The following NKAIN2 variants were observed in gnomAD, a reference collection of about 807,000 sequenced individuals.
NKAIN2 encodes the protein sodium/potassium-transporting ATPase subunit beta-1-interacting protein 2.
Under a neutral mutation model 32.6 loss-of-function variants are expected in NKAIN2, and 14 were observed. The observed-to-expected ratio is 0.43, with a 90% CI of 0.28 to 0.67. The LOEUF (loss-of-function observed/expected upper bound fraction) is 0.67, where lower values mean the gene tolerates loss of function less well. NKAIN2 is among the 30% of genes least tolerant of loss of function. The probability of loss-of-function intolerance (pLI) is 0.17; values close to 1 mark genes in which losing one functional copy is unlikely to be tolerated. For missense variants in NKAIN2, 198 were observed against 258.3 expected, an observed-to-expected ratio of 0.77 and a Z score of 1.60; for synonymous variants, 80 against 87.2, an observed-to-expected ratio of 0.92 and a Z score of 0.46.
chr6:124,682,730 G>C (rs769808149), intron 4 of NKAIN2, among the ~76,000 whole-genome samples: 1 of 152,002 alleles, frequency 6.6e-6, no homozygotes, highest in Non-Finnish European at 1.5e-5. Flanking sequence ...CCAATATTAA[G>C]ATTGATATAT....
At chr6:124,409,968 A>G (rs1381054316) in intron 3 of NKAIN2, among the ~76,000 whole-genome samples, 1 of 152,112 alleles carries the variant, frequency 6.6e-6, no homozygotes, top group Non-Finnish European at 1.5e-5. Context: ...TAGATTTTCT[A>G]GTTTATTTGC....
At chr6:123,985,102 T>TA (rs1222422434) in intron 1 of NKAIN2, among the ~76,000 whole-genome samples, 2 of 151,902 alleles carry the variant, frequency 1.3e-5, no homozygotes, top group Non-Finnish European at 2.9e-5. Context: ...ATTCTACTGG[T>TA]AAAAAATTGT....
chr6:124,773,733 T>C (rs1778861759), intron 4 of NKAIN2, among the ~76,000 whole-genome samples: 1 of 152,174 alleles, frequency 6.6e-6, no homozygotes, highest in South Asian at 2.1e-4. Flanking sequence ...TTTTCATGTA[T>C]CCGATTAAAT....
intron 5 of NKAIN2, among the ~76,000 whole-genome samples, chr6:124,793,384 G>A (rs796216976): frequency 9.5e-4 from 144 of 152,084 alleles, no homozygotes; most frequent in African/African-American, 3.4e-3. Context: ...AAATATATAC[G>A]GATTTTAAAA....
At position 124,741,237 on chromosome 6, in the gene NKAIN2, T is replaced by G. The variant is rs188739093; in HGVS notation, c.475-50102T>G. On this transcript the variant is annotated intron_variant, in intron 4 of 6. Transcript: ENST00000368417. ...CAAGCAGAAATGCCAATTAGGCAAG[T>G]GGATATATTGATCTGAGTTCAGGGG... Among the ~76,000 whole-genome samples the G allele has an allele frequency of 2.1e-3, 321 of 151,704 alleles. 2 individuals are homozygous for G. The highest frequency in any genetic ancestry group is 7.2e-3 in the African/African-American group (298 of 41,420).
At chr6:124,553,356 G>C (rs1193380629) in intron 3 of NKAIN2, among the ~76,000 whole-genome samples, 1 of 152,142 alleles carries the variant, frequency 6.6e-6, no homozygotes, top group African/African-American at 2.4e-5. Context: ...TGCTCAGGCT[G>C]GAGTGCAATG....
intron 3 of NKAIN2, among the ~76,000 whole-genome samples, chr6:124,567,202 T>C (rs1780948415): frequency 6.6e-6 from 1 of 152,164 alleles, no homozygotes; most frequent in Admixed American, 6.5e-5. Flanking sequence ...AAACCAATAA[T>C]GTGCTTTCAC....
intron 2 of NKAIN2, among the ~76,000 whole-genome samples, chr6:124,338,566 C>A (rs985805993): frequency 6.6e-6 from 1 of 152,012 alleles, no homozygotes; most frequent in Admixed American, 6.6e-5. Context: ...CTCATTTTGA[C>A]AATTTTTTCA....
intron 1 of NKAIN2, among the ~76,000 whole-genome samples, chr6:123,861,419 A>G (rs1212030186): frequency 6.6e-6 from 1 of 152,224 alleles, no homozygotes; most frequent in Non-Finnish European, 1.5e-5. Context: ...TGTTCAGGTA[A>G]AAATTTATGA....
intron 3 of NKAIN2, among the ~76,000 whole-genome samples, chr6:124,509,584 C>G (rs1485821920): frequency 6.6e-6 from 1 of 152,212 alleles, no homozygotes; most frequent in Non-Finnish European, 1.5e-5. Context: ...CATGACTTGT[C>G]TGACCATCTG....
intron 2 of NKAIN2, among the ~76,000 whole-genome samples, chr6:124,346,265 A>G (rs904047412): frequency 2.6e-5 from 4 of 152,086 alleles, no homozygotes; most frequent in Admixed American, 1.3e-4. Context: ...TATGTGGTCA[A>G]TTTTGGAATA....
intron 1 of NKAIN2, among the ~76,000 whole-genome samples, chr6:124,247,175 G>T (rs1483618581): frequency 6.6e-6 from 1 of 151,958 alleles, no homozygotes; most frequent in Non-Finnish European, 1.5e-5. Context: ...CGGGGTCATG[G>T]ATAACTTTTG....
At chr6:124,552,222 A>G (rs928807595) in intron 3 of NKAIN2, among the ~76,000 whole-genome samples, 19 of 152,354 alleles carry the variant, frequency 1.2e-4, no homozygotes, top group African/African-American at 4.1e-4. Flanking sequence ...ACTAAATTGT[A>G]TACAAACATG....
chr6:123,988,005 T>C (rs961735892), intron 1 of NKAIN2, among the ~76,000 whole-genome samples: 2 of 152,194 alleles, frequency 1.3e-5, no homozygotes, highest in Non-Finnish European at 2.9e-5. Context: ...GGACTATATG[T>C]CAGATGTTAC....
chr6:124,181,236 C>T (rs1253325328), intron 1 of NKAIN2, among the ~76,000 whole-genome samples: 2 of 152,090 alleles, frequency 1.3e-5, no homozygotes, highest in African/African-American at 4.8e-5. Context: ...CATCAAGTTC[C>T]AAGACTGCAC....
intron 1 of NKAIN2, among the ~76,000 whole-genome samples, chr6:123,894,148 T>A (rs1266263444): frequency 2.0e-5 from 3 of 152,208 alleles, no homozygotes; most frequent in Non-Finnish European, 4.4e-5. Context: ...TCAGTTTTTT[T>A]ATGTTTTTCA....
intron 1 of NKAIN2, chr6:123,829,259 T>G (rs1774276163): frequency 6.6e-6 from 1 of 152,158 alleles, no homozygotes; most frequent in Non-Finnish European, 1.5e-5. Context: ...CTCAGATGAT[T>G]CTCAAATTAA....
intron 1 of NKAIN2, among the ~76,000 whole-genome samples, chr6:124,230,596 G>A (rs562663185): frequency 1.3e-5 from 2 of 152,300 alleles, no homozygotes; most frequent in South Asian, 4.1e-4. Context: ...GCTGTTTGCA[G>A]TCTAGGGACT....
At chr6:124,074,926 T>G (rs1240667687) in intron 1 of NKAIN2, among the ~76,000 whole-genome samples, 1 of 152,228 alleles carries the variant, frequency 6.6e-6, no homozygotes, top group Non-Finnish European at 1.5e-5. Context: ...AAAATCTATT[T>G]AGTCTTCACG....
Sources: allele counts gnomAD v4.1 joint callset (sites outside exome capture counted in the v4.1 genomes callset), GRCh38; gene constraint gnomAD v4.1.1; transcripts MANE v1.5; gene names NCBI Gene and HGNC (gene_info 2026-07-23, HGNC 2026-07-21).